RGS6: variants seen among roughly 807,000 people sequenced by gnomAD.
RGS6 encodes regulator of G protein signaling 6.
A neutral mutation model predicts 78.5 loss-of-function variants in RGS6; 30 were observed. That is an observed-to-expected ratio of 0.38 (90% CI 0.29 to 0.52). The LOEUF (loss-of-function observed/expected upper bound fraction) is 0.52. Among genes scored for constraint, RGS6 ranks in the 20% least tolerant of loss-of-function variants. The pLI is 0.85. For missense variants in RGS6, 495 were observed against 609.7 expected (o/e 0.81, Z 1.98); for synonymous variants, 206 against 206.0 (o/e 1.00, Z 0.00).
At chr14:72,280,071 G>A (rs776457416) in intron 2 of RGS6, among the ~76,000 whole-genome samples, 1 of 152,032 alleles carries the variant, frequency 6.6e-6, no homozygotes, top group Non-Finnish European at 1.5e-5. Context: ...TATCATTATT[G>A]GAGGCAGGGG....
At chr14:72,316,896 A>AGTAT (rs2070414861) in intron 2 of RGS6, among the ~76,000 whole-genome samples, 1 of 141,816 alleles carries the variant, frequency 7.1e-6, no homozygotes, top group Non-Finnish European at 1.5e-5. Flanking sequence ...AAGCAGGTGA[A>AGTAT]GTGTGTGTGT....
Position 72,210,323 on chromosome 14 carries a change from G to A in RGS6, c.85-141772G>A, listed in dbSNP as rs188038490. Among the ~76,000 whole-genome samples, 712 of 152,246 alleles carry A rather than the reference G, an allele frequency of 4.7e-3. 2 individuals are homozygous for A. The highest frequency in any genetic ancestry group is 7.1e-3 in the Non-Finnish European group (481 of 68,020). On this transcript the variant is annotated intron_variant, in intron 2 of 17. Transcript: ENST00000553525. ...CTGCTAGAGAGGTGAGCTTCCAGGG[G>A]CTCCTAGTTCAGGTTGCTTGTATTT...
At chr14:72,097,880 A>G (rs1029845503) in intron 2 of RGS6, among the ~76,000 whole-genome samples, 34 of 152,128 alleles carry the variant, frequency 2.2e-4, no homozygotes, top group Admixed American at 2.2e-3. Context: ...GCCTGATATC[A>G]TCAGCCAAGC....
intron 2 of RGS6, among the ~76,000 whole-genome samples, chr14:72,032,981 C>A (rs2091140418): frequency 6.6e-6 from 1 of 152,102 alleles, no homozygotes; most frequent in African/African-American, 2.4e-5. Flanking sequence ...GCTTGACTTA[C>A]AGTTACGTCC....
At chr14:72,192,800 T>C (rs567279214) in intron 2 of RGS6, among the ~76,000 whole-genome samples, 1 of 152,314 alleles carries the variant, frequency 6.6e-6, no homozygotes, top group African/African-American at 2.4e-5. Context: ...CACGAGGGAC[T>C]CAATTGGAAC....
At chr14:72,283,574 T>A (rs1046554076) in intron 2 of RGS6, among the ~76,000 whole-genome samples, 3 of 152,224 alleles carry the variant, frequency 2.0e-5, no homozygotes, top group African/African-American at 7.2e-5. Context: ...ATGTAAGACA[T>A]GCCTTTTGCC....
At chr14:71,914,441 G>T in the RGS6 span, among the ~76,000 whole-genome samples, 2 of 152,156 alleles carry the variant, frequency 1.3e-5, no homozygotes, top group South Asian at 4.1e-4. Flanking sequence ...TTTTCCTAGA[G>T]ATTTTTCATG....
chr14:72,127,438 A>T (rs541051425), intron 2 of RGS6, among the ~76,000 whole-genome samples: 1 of 152,294 alleles, frequency 6.6e-6, no homozygotes, highest in South Asian at 2.1e-4. Flanking sequence ...TTTTTTCTCA[A>T]ACTATGGTTT....
chr14:72,568,475 C>G (rs1434487635), downstream of RGS6, among the ~76,000 whole-genome samples: 1 of 152,206 alleles, frequency 6.6e-6, no homozygotes, highest in Non-Finnish European at 1.5e-5. Context: ...AACCTCGAGG[C>G]TGTAGGCTTT....
intron 2 of RGS6, among the ~76,000 whole-genome samples, chr14:72,278,657 G>A (rs1197691952): frequency 6.6e-6 from 1 of 152,124 alleles, no homozygotes; most frequent in Non-Finnish European, 1.5e-5. Flanking sequence ...TTTGTTACAG[G>A]AACGTGGCCT....
chr14:72,137,270 A>G (rs1185088886), intron 2 of RGS6, among the ~76,000 whole-genome samples: 2 of 152,190 alleles, frequency 1.3e-5, no homozygotes, highest in Admixed American at 1.3e-4. Context: ...GCAGCCCTTC[A>G]TGGTAGGTAG....
At chr14:72,085,739 A>C (rs145646484) in intron 2 of RGS6, among the ~76,000 whole-genome samples, 4,110 of 151,730 alleles carry the variant, frequency 0.027, 72 homozygotes, top group African/African-American at 0.048. Flanking sequence ...TTGTAATCCC[A>C]GCTACTTAGG....
intron 3 of RGS6, among the ~76,000 whole-genome samples, chr14:72,372,445 C>G (rs1159892339): frequency 6.6e-6 from 1 of 152,154 alleles, no homozygotes; most frequent in East Asian, 1.9e-4. Context: ...AGCGATCTAT[C>G]CTGTATGTTC....
At chr14:72,265,937 T>TA (rs1458381933) in intron 2 of RGS6, among the ~76,000 whole-genome samples, 1 of 37,712 alleles carries the variant, frequency 2.7e-5, no homozygotes, top group African/African-American at 1.3e-4. Context: ...TATCGCTTTT[T>TA]TGGGGGGGGG....
chr14:71,960,854 C>T (rs1026674546), intron 1 of RGS6, among the ~76,000 whole-genome samples: 2 of 152,180 alleles, frequency 1.3e-5, no homozygotes, highest in African/African-American at 4.8e-5. Flanking sequence ...GGCTTCTGCT[C>T]ATCTGTCACC....
chr14:71,970,358 C>G (rs533939806), intron 2 of RGS6, among the ~76,000 whole-genome samples: 2 of 152,278 alleles, frequency 1.3e-5, no homozygotes, highest in Non-Finnish European at 2.9e-5. Context: ...GAATTTGAGT[C>G]TAGCCTTTAT....
intron 2 of RGS6, among the ~76,000 whole-genome samples, chr14:72,080,591 C>T (rs1379549577): frequency 6.6e-6 from 1 of 151,962 alleles, no homozygotes. Flanking sequence ...AAAATTATTG[C>T]CCAGACTAGT....
At chr14:72,252,971 C>T (rs1391250791) in intron 2 of RGS6, among the ~76,000 whole-genome samples, 1 of 152,206 alleles carries the variant, frequency 6.6e-6, no homozygotes, top group Non-Finnish European at 1.5e-5. Flanking sequence ...CTTGTGCCAG[C>T]CATTAGTGTT....
At chr14:71,968,972 C>T (rs1266744833) in intron 2 of RGS6, among the ~76,000 whole-genome samples, 1 of 152,174 alleles carries the variant, frequency 6.6e-6, no homozygotes, top group Admixed American at 6.5e-5. Context: ...TTTCCCTCCC[C>T]ACTCCTGCCA....
Sources: allele counts gnomAD v4.1 joint callset (sites outside exome capture counted in the v4.1 genomes callset), GRCh38; gene constraint gnomAD v4.1.1; transcripts MANE v1.5; gene names NCBI Gene and HGNC (gene_info 2026-07-23, HGNC 2026-07-21).